Variants in VSTM2B observed in about 807,000 individuals in gnomAD.
The protein encoded by VSTM2B is V-set and transmembrane domain containing 2B.
In VSTM2B, 24 loss-of-function variants were observed where a neutral mutation model predicts 24.0. The ratio of observed to expected loss-of-function variants is 1.00; its 90% CI spans 0.72 to 1.40. VSTM2B has a LOEUF of 1.40. VSTM2B is among the 40% of genes most tolerant of loss of function. VSTM2B has a pLI of 0.00. For missense variants in VSTM2B, 399 were observed against 416.4 expected (o/e 0.96, Z 0.36); for synonymous variants, 226 against 194.4 (o/e 1.16, Z -1.35).
chr19:29,558,255 G>T (rs1263837050), intron 4 of VSTM2B, among the ~76,000 whole-genome samples: 1 of 152,196 alleles, frequency 6.6e-6, no homozygotes, highest in Non-Finnish European at 1.5e-5. Flanking sequence ...TTTTTACAGT[G>T]TTGGTGGGAA....
chr19:29,535,388 G>C (rs11673255), intron 4 of VSTM2B, among the ~76,000 whole-genome samples: 49,631 of 152,074 alleles, frequency 0.33, 8,848 homozygotes, highest in East Asian at 0.52. Flanking sequence ...CTGCAGGGAC[G>C]TTGGGATCAG....
At chr19:29,530,791 G>T (rs971772947) in intron 4 of VSTM2B, among the ~76,000 whole-genome samples, 3 of 152,090 alleles carry the variant, frequency 2.0e-5, no homozygotes, top group African/African-American at 7.2e-5. Context: ...GGTGTGGAGG[G>T]GCCTGGCTGT....
intron 4 of VSTM2B, among the ~76,000 whole-genome samples, chr19:29,541,066 G>A (rs1970008893): frequency 2.0e-5 from 3 of 152,222 alleles, no homozygotes; most frequent in South Asian, 4.1e-4. Context: ...TTACTGTGGT[G>A]GGTGCAGAGA....
intron 4 of VSTM2B, among the ~76,000 whole-genome samples, chr19:29,549,942 C>T (rs982058965): frequency 1.3e-5 from 2 of 152,256 alleles, no homozygotes; most frequent in African/African-American, 4.8e-5. Context: ...AGACAGCCAT[C>T]CCCATGGCTA....
rs982147132 is a variant in VSTM2B at position 29,529,361 on chromosome 19, G to A, written c.298-458G>A. Among the ~76,000 whole-genome samples, 31 of 151,978 alleles carry A rather than the reference G, an allele frequency of 2.0e-4. 1 individual carries two copies. Among genetic ancestry groups the A allele is most frequent in the African/African-American group, 7.3e-4 (30 of 41,224 alleles). The stretch of plus-strand genomic sequence containing the variant: ...ATTCGGGCAGGCCCTCCGTGCTCCG[G>A]GAGGTGAGGAGGGCCGGCTGGGGCG... On this transcript the variant is annotated intron_variant, in intron 3 of 4. Transcript: ENST00000335523.
At chr19:29,527,085 G>T (rs1305348673) in intron 1 of VSTM2B, 126 bp from the exon 2 acceptor site, 12 of 855,172 alleles carry the variant, frequency 1.4e-5, no homozygotes, top group African/African-American at 3.5e-5. Flanking sequence ...CCGGCCGTGC[G>T]CCAGGGAGCA....
At chr19:29,530,657 C>T (rs111439323) in intron 4 of VSTM2B, among the ~76,000 whole-genome samples, 1 of 152,108 alleles carries the variant, frequency 6.6e-6, no homozygotes, top group Non-Finnish European at 1.5e-5. Flanking sequence ...CAGCCACCAC[C>T]GGTGGTGGAA....
At chr19:29,554,624 C>T (rs1055850315) in intron 4 of VSTM2B, among the ~76,000 whole-genome samples, 1 of 152,124 alleles carries the variant, frequency 6.6e-6, no homozygotes, top group African/African-American at 2.4e-5. Context: ...CATAGAATGG[C>T]AGGCTGATAA....
At chr19:29,556,300 T>C (rs1269888601) in intron 4 of VSTM2B, among the ~76,000 whole-genome samples, 1 of 152,194 alleles carries the variant, frequency 6.6e-6, no homozygotes, top group Admixed American at 6.5e-5. Context: ...ATTATCTCAA[T>C]AGACATAGAA....
intron 4 of VSTM2B, among the ~76,000 whole-genome samples, chr19:29,533,655 A>C (rs1205897073): frequency 6.6e-6 from 1 of 152,208 alleles, no homozygotes; most frequent in African/African-American, 2.4e-5. Context: ...CAAGGAGGGA[A>C]CCATGCTCAG....
intron 4 of VSTM2B, among the ~76,000 whole-genome samples, chr19:29,535,713 G>A (rs1410806465): frequency 9.9e-5 from 15 of 152,158 alleles, no homozygotes; most frequent in African/African-American, 3.4e-4. Context: ...CCATGCCCCG[G>A]TGGTGATAGA....
intron 4 of VSTM2B, among the ~76,000 whole-genome samples, chr19:29,531,121 G>A (rs938740741): frequency 6.7e-4 from 101 of 151,666 alleles, no homozygotes; most frequent in African/African-American, 2.4e-3. Context: ...GGTGGGGGGC[G>A]GTTATGGAGG....
chr19:29,529,702 C>T, intron 3 of VSTM2B, 117 bp from the exon 4 acceptor site: 1 of 1,051,142 alleles, frequency 9.5e-7, no homozygotes, highest in Non-Finnish European at 1.4e-6. Context: ...TGATGGTGGG[C>T]AAACCAGGAT....
At chr19:29,538,626 G>T (rs753271617) in intron 4 of VSTM2B, among the ~76,000 whole-genome samples, 3 of 152,174 alleles carry the variant, frequency 2.0e-5, no homozygotes, top group Non-Finnish European at 4.4e-5. Context: ...TCACAGTTCT[G>T]CAGGCTGTGC....
At chr19:29,554,397 C>T (rs530800297) in intron 4 of VSTM2B, among the ~76,000 whole-genome samples, 2 of 152,320 alleles carry the variant, frequency 1.3e-5, no homozygotes, top group East Asian at 3.9e-4. Context: ...CTAGGCCTGC[C>T]TTGCAAGAGC....
At chr19:29,533,903 G>T (rs998032171) in intron 4 of VSTM2B, among the ~76,000 whole-genome samples, 5 of 152,216 alleles carry the variant, frequency 3.3e-5, no homozygotes, top group Non-Finnish European at 7.3e-5. Flanking sequence ...GGAGCTCGGG[G>T]CAGACGACCT....
At position 29,526,621 on chromosome 19, in the gene VSTM2B, T is replaced by C; in HGVS notation, c.38T>C (p.Leu13Pro). The C allele has an allele frequency of 2.6e-6, 4 of 1,529,858 alleles. No individual in the cohort carries two copies. The highest frequency in any genetic ancestry group is 2.0e-5 in the Admixed American group (1 of 50,476). The allele number at this position is 1,529,858 out of a possible 1,614,324, so 94.8% of individuals were successfully genotyped here. ...QRNRLGALGY[L>P]PPLLLHALLL... ...AACCGGCTCGGTGCCCTCGGATACC[T>C]GCCGCCTCTGCTGCTGCATGCCCTG... is the stretch of plus-strand genomic sequence containing the variant. The change falls in exon 1 of 5, where the codon CTG becomes CCG. Residue 13 changes from leucine (L) to proline (P), a missense_variant. By Grantham distance (98) the Leu-to-Pro change is moderately conservative. Coordinates refer to ENST00000335523, the MANE Select transcript of VSTM2B (RefSeq NM_001146339.2). This position sits in a 1 kb window ranked among gnomAD's most constrained non-coding sequence, Gnocchi z 4.1.
chr19:29,553,872 G>GA (rs1253495727), intron 4 of VSTM2B, among the ~76,000 whole-genome samples: 2 of 152,090 alleles, frequency 1.3e-5, no homozygotes, highest in Non-Finnish European at 2.9e-5. Flanking sequence ...CAAGATTAGA[G>GA]AAAAAAGAAT....
chr19:29,536,648 G>A (rs537789412), intron 4 of VSTM2B, among the ~76,000 whole-genome samples: 42 of 152,164 alleles, frequency 2.8e-4, no homozygotes, highest in Admixed American at 1.0e-3. Context: ...GCTTCAGTCC[G>A]TCCCCCAGAA....
Sources: allele counts gnomAD v4.1 joint callset (sites outside exome capture counted in the v4.1 genomes callset), GRCh38; gene constraint gnomAD v4.1.1; non-coding constraint Gnocchi (gnomAD v3.1); transcripts MANE v1.5; gene names NCBI Gene and HGNC (gene_info 2026-07-23, HGNC 2026-07-21).